Variants in WNK3 observed in about 807,000 individuals in gnomAD.
The protein encoded by WNK3 is serine/threonine-protein kinase WNK3.
A neutral mutation model predicts 116.7 loss-of-function variants in WNK3; 18 were observed. The observed-to-expected ratio is 0.15, with a 90% CI of 0.11 to 0.23. The LOEUF is 0.23. Ranked by LOEUF, WNK3 falls within the 10% of genes least tolerant of loss-of-function variation. The probability of loss-of-function intolerance (pLI) is 1.00; values close to 1 mark genes in which losing one functional copy is unlikely to be tolerated. For missense variants in WNK3, 993 were observed against 1,323.8 expected (o/e 0.75, Z 3.88); for synonymous variants, 404 against 469.4 (o/e 0.86, Z 1.80).
intron 1 of WNK3, among the ~76,000 whole-genome samples, chrX:54,355,640 A>C (rs1044497918): frequency 9.0e-6 from 1 of 111,149 alleles, no homozygotes; most frequent in Admixed American, 9.7e-5. Context: ...AGGCAGAGAG[A>C]GAAACACCAT....
At chrX:54,310,665 T>C (rs1557169501) in intron 3 of WNK3, among the ~76,000 whole-genome samples, 1 of 111,871 alleles carries the variant, frequency 8.9e-6, no homozygotes, top group East Asian at 2.8e-4. Flanking sequence ...TGTATTTTTT[T>C]AACAAACTTC....
intron 22 of WNK3, among the ~76,000 whole-genome samples, chrX:54,216,448 A>G (rs1245180863): frequency 9.1e-6 from 1 of 109,734 alleles, no homozygotes; most frequent in African/African-American, 3.3e-5. Context: ...GCATTACTGA[A>G]ACTATGGGAA....
Position 54,290,449 on chromosome X carries a change from T to C in WNK3, c.2037+2439A>G, listed in dbSNP as rs781810346. ...CATTTTAATGGGACTTTCCCGGACA[T>C]ACTGATAGAGAAAATAATGCTATGT... On this transcript the variant is annotated intron_variant, in intron 10 of 23. Coordinates refer to ENST00000354646, the Ensembl canonical transcript of WNK3. Among the ~76,000 whole-genome samples the C allele has an allele frequency of 4.5e-5, 5 of 111,549 alleles. No individual in the cohort carries two copies. The East Asian group carries it at 1.1e-3, about 25-fold the overall frequency.
intron 13 of WNK3, among the ~76,000 whole-genome samples, chrX:54,252,397 C>T (rs782104924): frequency 2.7e-5 from 3 of 111,341 alleles, no homozygotes; most frequent in East Asian, 5.7e-4. Context: ...AAGAATAGCT[C>T]GGAAGGCTGG....
At chrX:54,284,315 C>T (rs1269114612) in intron 10 of WNK3, among the ~76,000 whole-genome samples, 1 of 111,249 alleles carries the variant, frequency 9.0e-6, no homozygotes. Context: ...TCATAGTCAT[C>T]GGGGAAATAC....
exon 24 of WNK3, chrX:54,197,170 C>T (rs782222306): frequency 9.0e-6 from 1 of 111,523 alleles, no homozygotes; most frequent in Non-Finnish European, 1.9e-5. Context: ...TACAAGGATT[C>T]CCCCCAAACG....
At chrX:54,212,225 C>T (rs1459370470) in intron 22 of WNK3, among the ~76,000 whole-genome samples, 2 of 111,668 alleles carry the variant, frequency 1.8e-5, no homozygotes, top group Non-Finnish European at 3.8e-5. Context: ...GACTCCGTCT[C>T]AAGAACAACA....
rs142406505 is a variant in WNK3 at position 54,273,971 on chromosome X, C to T, written c.2038-14633G>A. On this transcript the variant is annotated intron_variant, in intron 10 of 23. Transcript: ENST00000354646. ...TACAGGTAACAAACTACTAAGAAAA[C>T]GTGCTCCCAACACAACTTGTCTCTC... is the stretch of plus-strand genomic sequence containing the variant. Among the ~76,000 whole-genome samples the T allele has an allele frequency of 4.5e-3, 502 of 111,478 alleles. 3 individuals carry two copies. Among genetic ancestry groups the T allele is most frequent in the Middle Eastern group, 0.023 (5 of 215 alleles).
At chrX:54,350,388 T>C (rs1557178345) in intron 1 of WNK3, among the ~76,000 whole-genome samples, 1 of 106,804 alleles carries the variant, frequency 9.4e-6, no homozygotes, top group South Asian at 4.3e-4. Flanking sequence ...CCAGCCTGGG[T>C]GACAGAATGA....
At chrX:54,251,369 C>T (rs1775224877) in intron 15 of WNK3, 30 bp downstream of exon 15, 1 of 1,076,289 alleles carries the variant, frequency 9.3e-7, no homozygotes, top group Non-Finnish European at 1.2e-6. Context: ...CTTCAAAAAC[C>T]AAATGATAAA....
At chrX:54,348,081 A>G (rs1357395627) in intron 1 of WNK3, among the ~76,000 whole-genome samples, 1 of 110,293 alleles carries the variant, frequency 9.1e-6, no homozygotes. Flanking sequence ...GTAGTATGCA[A>G]TTGTTTGCTA....
intron 1 of WNK3, among the ~76,000 whole-genome samples, chrX:54,336,050 G>A (rs893036631): frequency 2.7e-5 from 3 of 112,213 alleles, no homozygotes; most frequent in Non-Finnish European, 5.6e-5. Context: ...AGCACTTTGG[G>A]AGGCCAAGGT....
chrX:54,337,331 G>A (rs1359251776), intron 1 of WNK3, among the ~76,000 whole-genome samples: 1 of 110,573 alleles, frequency 9.0e-6, no homozygotes, highest in African/African-American at 3.3e-5. Flanking sequence ...GGAGGCCAAG[G>A]TGGGTGGATC....
chrX:54,355,354 G>A (rs1331326543), intron 1 of WNK3, among the ~76,000 whole-genome samples: 6 of 110,870 alleles, frequency 5.4e-5, no homozygotes, highest in African/African-American at 2.0e-4. Flanking sequence ...TGTTTTTCTG[G>A]GCTTCATTTC....
intron 1 of WNK3, among the ~76,000 whole-genome samples, chrX:54,334,176 C>T (rs1224076908): frequency 1.8e-5 from 2 of 111,795 alleles, no homozygotes; most frequent in Non-Finnish European, 3.8e-5. Flanking sequence ...GTCTAAAATT[C>T]TGGAATTCAT....
intron 2 of WNK3, 89 bp downstream of exon 2, chrX:54,333,048 T>G: frequency 1.5e-6 from 1 of 648,030 alleles, no homozygotes; most frequent in Non-Finnish European, 2.3e-6. Flanking sequence ...TTTATTTTAA[T>G]CCATGATACA....
chrX:54,341,798 C>A (rs1170141284), intron 1 of WNK3, among the ~76,000 whole-genome samples: 1 of 111,321 alleles, frequency 9.0e-6, no homozygotes, highest in Admixed American at 9.7e-5. Context: ...GGCATAGGAA[C>A]AGGATTGACT....
chrX:54,252,365 T>G (rs1557154523), intron 13 of WNK3, among the ~76,000 whole-genome samples: 1 of 110,676 alleles, frequency 9.0e-6, no homozygotes, highest in Non-Finnish European at 1.9e-5. Flanking sequence ...AACCACAAAA[T>G]GAAACATCTC....
chrX:54,243,558 A>AT (rs781938633), intron 17 of WNK3, among the ~76,000 whole-genome samples: 17 of 111,520 alleles, frequency 1.5e-4, no homozygotes, highest in African/African-American at 4.9e-4. Context: ...ACACGAAAAG[A>AT]TTCTCAACAC....
Sources: allele counts gnomAD v4.1 joint callset (sites outside exome capture counted in the v4.1 genomes callset), GRCh38; gene constraint gnomAD v4.1.1; transcripts MANE v1.5; gene names NCBI Gene and HGNC (gene_info 2026-07-23, HGNC 2026-07-21).